The following SNX27 variants were observed in gnomAD, a reference collection of about 807,000 sequenced individuals.
SNX27 encodes the protein sorting nexin 27.
Under a neutral mutation model 71.6 loss-of-function variants are expected in SNX27, and 22 were observed. That is an observed-to-expected ratio of 0.31 (90% CI 0.22 to 0.44). The LOEUF is 0.44. Among genes scored for constraint, SNX27 ranks in the 20% least tolerant of loss-of-function variants. SNX27 has a pLI of 1.00. For synonymous variants in SNX27, 269 were observed against 277.2 expected, an observed-to-expected ratio of 0.97 and a Z score of 0.29; for missense variants, 531 against 698.6, an observed-to-expected ratio of 0.76 and a Z score of 2.70.
Position 151,629,221 on chromosome 1 carries a change from A to G in SNX27, c.312-9667A>G, listed in dbSNP as rs572001182. The G allele has an allele frequency of 3.1e-4, 47 of 152,018 alleles. 2 individuals are homozygous for G. Among genetic ancestry groups the G allele is most frequent in the African/African-American group, 1.1e-3 (45 of 41,346 alleles). 9.4% of individuals were successfully genotyped at this position (152,018 alleles called of 1,614,324 possible). A position where few individuals can be genotyped will look rare whatever the true frequency, so the allele number is the denominator to read the frequency against. ...TAGTTTGTTAAATTATTGTACTACA[A>G]TTTTCTTACATTTTCATCCCCCTAT... On this transcript the variant is annotated intron_variant, in intron 1 of 11. Transcript: ENST00000458013.
intron 2 of SNX27, among the ~76,000 whole-genome samples, chr1:151,657,005 TG>T (rs1669726989): frequency 6.6e-6 from 1 of 152,160 alleles, no homozygotes; most frequent in Non-Finnish European, 1.5e-5. Context: ...TGAACATGGT[TG>T]GATATGATAA....
At chr1:151,692,333 T>C (rs1305274950) in intron 8 of SNX27, 102 bp from the exon 9 acceptor site, 8 of 1,371,588 alleles carry the variant, frequency 5.8e-6, no homozygotes, top group Non-Finnish European at 7.6e-6. Flanking sequence ...CTTTGTTCTT[T>C]TTCTTGCACC....
intron 2 of SNX27, among the ~76,000 whole-genome samples, chr1:151,657,614 T>G (rs1669755942): frequency 1.3e-5 from 2 of 152,214 alleles, no homozygotes; most frequent in Non-Finnish European, 2.9e-5. Flanking sequence ...ACTCACTATA[T>G]TTACCACATT....
At chr1:151,646,882 G>GACAC (rs76803336) in intron 2 of SNX27, among the ~76,000 whole-genome samples, 60,075 of 148,452 alleles carry the variant, frequency 0.4, 12,557 homozygotes, top group Non-Finnish European at 0.47. Flanking sequence ...GCTGGACACA[G>GACAC]ACACACACAC....
At chr1:151,640,365 T>C (rs908446627) in intron 2 of SNX27, among the ~76,000 whole-genome samples, 1 of 152,082 alleles carries the variant, frequency 6.6e-6, no homozygotes, top group African/African-American at 2.4e-5. Context: ...TGTACCTTTG[T>C]TTATTTTTAT....
chr1:151,671,262 G>A (rs1212392180), intron 7 of SNX27, among the ~76,000 whole-genome samples: 3 of 149,628 alleles, frequency 2.0e-5, no homozygotes. Context: ...TCCAGAGACA[G>A]GGTCTCGCTT....
chr1:151,693,381 C>G, intron 10 of SNX27, 43 bp from the exon 11 acceptor site: 1 of 1,591,574 alleles, frequency 6.3e-7, no homozygotes, highest in Non-Finnish European at 8.6e-7. Context: ...CCTGAGATGC[C>G]TGCTCTTGAG....
intron 5 of SNX27, among the ~76,000 whole-genome samples, chr1:151,665,440 C>T (rs1558062472): frequency 1.3e-5 from 2 of 152,052 alleles, no homozygotes; most frequent in African/African-American, 2.4e-5. Flanking sequence ...TTTGTTTAGC[C>T]AGAATATAAT....
intron 2 of SNX27, among the ~76,000 whole-genome samples, chr1:151,652,586 T>G (rs1256577194): frequency 1.3e-5 from 2 of 151,894 alleles, no homozygotes; most frequent in Non-Finnish European, 1.5e-5. Flanking sequence ...TTTTTGTATT[T>G]TTTTTTAGTA....
intron 2 of SNX27, among the ~76,000 whole-genome samples, chr1:151,653,779 C>T (rs572808977): frequency 6.6e-6 from 1 of 152,084 alleles, no homozygotes; most frequent in Admixed American, 6.6e-5. Flanking sequence ...CCTTGGCCTC[C>T]CAAAGTGCTG....
chr1:151,613,902 C>G (rs2102583973), intron 1 of SNX27: 1 of 152,074 alleles, frequency 6.6e-6, no homozygotes, highest in African/African-American at 2.4e-5. Flanking sequence ...TACTCTCTCC[C>G]TCCATATTTC....
intron 1 of SNX27, among the ~76,000 whole-genome samples, chr1:151,625,538 G>T (rs1334930380): frequency 6.6e-6 from 1 of 150,734 alleles, no homozygotes; most frequent in Non-Finnish European, 1.5e-5. Context: ...AAAAATATTG[G>T]TATAAAGGTT....
chr1:151,679,031 A>G (rs1670823951), intron 7 of SNX27: 1 of 152,092 alleles, frequency 6.6e-6, no homozygotes, highest in African/African-American at 2.4e-5. Context: ...GGCCACAAAC[A>G]CTGTGCCTGG....
At chr1:151,625,168 C>T (rs1384401917) in intron 1 of SNX27, among the ~76,000 whole-genome samples, 7 of 152,064 alleles carry the variant, frequency 4.6e-5, no homozygotes, top group South Asian at 2.1e-4. Context: ...GTTATTAATA[C>T]GCGCTTTTGC....
chr1:151,649,574 C>A (rs1456263850), intron 2 of SNX27, among the ~76,000 whole-genome samples: 2 of 152,298 alleles, frequency 1.3e-5, no homozygotes, highest in South Asian at 4.1e-4. Context: ...CAGAGCTAAA[C>A]CCTGTCTCAA....
chr1:151,640,779 G>A (rs536622832), intron 2 of SNX27, among the ~76,000 whole-genome samples: 30 of 152,052 alleles, frequency 2.0e-4, no homozygotes, highest in Non-Finnish European at 3.7e-4. Context: ...AATGTACATA[G>A]TCTTATAACC....
intron 3 of SNX27, chr1:151,660,541 C>T: frequency 2.7e-6 from 1 of 367,492 alleles, no homozygotes; most frequent in Non-Finnish European, 5.0e-6. Flanking sequence ...TTTATTTCTC[C>T]CTCTGGTTAT....
At chr1:151,678,389 T>C (rs1317666680) in intron 7 of SNX27, 4 of 152,256 alleles carry the variant, frequency 2.6e-5, no homozygotes, top group Non-Finnish European at 5.9e-5. Flanking sequence ...TCACTTAACA[T>C]AATGGCCTCA....
chr1:151,634,923 A>G (rs1668402316), intron 1 of SNX27, among the ~76,000 whole-genome samples: 1 of 152,210 alleles, frequency 6.6e-6, no homozygotes, highest in Non-Finnish European at 1.5e-5. Flanking sequence ...TTATAAAAGC[A>G]GTATATATTG....
Sources: allele counts gnomAD v4.1 joint callset (sites outside exome capture counted in the v4.1 genomes callset), GRCh38; gene constraint gnomAD v4.1.1; transcripts MANE v1.5; gene names NCBI Gene and HGNC (gene_info 2026-07-23, HGNC 2026-07-21).